Variants in TFIP11 observed in about 807,000 individuals in gnomAD.
TFIP11 encodes the protein tuftelin interacting protein 11, also known as tuftelin-interacting protein 11.
Under a neutral mutation model 96.8 loss-of-function variants are expected in TFIP11, and 86 were observed. The observed-to-expected ratio is 0.89, with a 90% CI of 0.75 to 1.06. The LOEUF is 1.06. Ranked by LOEUF, TFIP11 falls within the 50% of genes least tolerant of loss-of-function variation. The probability of loss-of-function intolerance (pLI) is 0.00; values close to 1 mark genes in which losing one functional copy is unlikely to be tolerated. For missense variants in TFIP11, 881 were observed against 1,076.7 expected, an observed-to-expected ratio of 0.82 and a Z score of 2.54; for synonymous variants, 405 against 395.2, an observed-to-expected ratio of 1.02 and a Z score of -0.29.
chr22:26,497,016 C>A, intron 10 of TFIP11, 127 bp from the exon 11 acceptor site: 1 of 1,151,740 alleles, frequency 8.7e-7, no homozygotes, highest in Middle Eastern at 3.0e-4. Flanking sequence ...TCAGAGGAAA[C>A]CATCAGGCCA....
rs1475333828 is a variant in TFIP11, at chr22:26,492,364, G to A, written c.2163C>T (p.Ala721=). 1.2e-6 allele frequency: 2 copies of A among 1,614,028 alleles called. No homozygotes were observed. Among genetic ancestry groups the A allele is most frequent in the Non-Finnish European group, 8.5e-7 (1 of 1,179,938 alleles). The change falls in exon 15 of 15, where the codon GCC becomes GCT. Residue 721 remains alanine (A), a synonymous_variant. Transcript: ENST00000407690. Reference sequence around the variant, plus strand: ...TCTCCCGTGCTCCTGGCTGCATGTAGGCACCTAAGATACAGGAGGACAGGG... The same window carrying A: ...TCTCCCGTGCTCCTGGCTGCATGTAAGCACCTAAGATACAGGAGGACAGGG... ...MNRAVSSNVG[A]YMQPGARENI...
At chr22:26,494,614 C>A in intron 13 of TFIP11, 183 bp downstream of exon 13, 1 of 904,522 alleles carries the variant, frequency 1.1e-6, no homozygotes, top group Non-Finnish European at 1.6e-6. Context: ...CTTGGAACAG[C>A]TTCTGATACA....
Position 26,503,949 on chromosome 22 carries a change from C to T in TFIP11, c.521-156G>A, listed in dbSNP as rs559494298. Among the ~76,000 whole-genome samples, 21 of 152,306 alleles carry T rather than the reference C, an allele frequency of 1.4e-4. 1 individual carries two copies. The South Asian group carries it at 3.9e-3, about 29-fold the overall frequency. Reference sequence around the variant, plus strand: ...TATTCTCTGCCCTCAGAACACTACTCTTGTCCCTTGTGATTTGAAACTTAT... The same window carrying T: ...TATTCTCTGCCCTCAGAACACTACTTTTGTCCCTTGTGATTTGAAACTTAT... On this transcript the variant is annotated intron_variant, in intron 6 of 14. Transcript: ENST00000407690.
chr22:26,496,849 CAA>C lies in TFIP11; in HGVS notation c.1475_1476del (p.Ile492SerfsTer10), dbSNP rs1569158267. On this transcript the variant is annotated frameshift_variant, in exon 11 of 15. Transcript: ENST00000407690. LOFTEE classifies it high-confidence loss of function. Reference sequence around the variant, plus strand: ...CAGTTCCTTGGCTGCCACTGGGTGACAATATTTCGAACAAAAGGCATCCAGAC... The same window carrying C: ...CAGTTCCTTGGCTGCCACTGGGTGACTATTTCGAACAAAAGGCATCCAGAC... ...WEVWMPFVRN[I>X]VTQWQPRNCD... 1.2e-6 allele frequency: 2 copies of C among 1,614,108 alleles called. No individual in the cohort carries two copies. The highest frequency in any genetic ancestry group is 1.7e-6 in the Non-Finnish European group (2 of 1,180,030).
Position 26,506,862 on chromosome 22 carries a change from C to T in TFIP11, c.276G>A (p.Glu92=). 6.2e-7 allele frequency: 1 copy of T among 1,614,184 alleles called. No individual in the cohort carries two copies. Among genetic ancestry groups the T allele is most frequent in the Non-Finnish European group, 8.5e-7 (1 of 1,180,040 alleles). Reference sequence around the variant, plus strand: ...CGTCATCAGAATCTTCCAACTCTGCCTCCTCCGCTGCCCCTTTCTTGAGCC... The same window carrying T: ...CGTCATCAGAATCTTCCAACTCTGCTTCCTCCGCTGCCCCTTTCTTGAGCC... ...SAGLKKGAAE[E]AELEDSDDEE... is the part of the protein sequence containing the mutation. Residue 92 remains glutamate (E), a synonymous_variant, in exon 5 of 15, where the codon GAG becomes GAA. Coordinates refer to ENST00000407690, the MANE Select transcript of TFIP11 (RefSeq NM_012143.4).
chr22:26,491,444 C>T lies in TFIP11; in HGVS notation c.*569G>A, dbSNP rs752976130. The T allele has an allele frequency of 6.3e-7, 1 of 1,594,676 alleles. No homozygotes were observed. The highest frequency in any genetic ancestry group is 1.1e-5 in the South Asian group (1 of 89,376). On this transcript the variant is annotated 3_prime_UTR_variant, in exon 15 of 15. Coordinates refer to ENST00000407690, the MANE Select transcript of TFIP11 (RefSeq NM_012143.4). Reference sequence around the variant, plus strand: ...ACTGTGACTATCTGAAGTTTTTATACTTGAATTTTTCTGCTCAGATTTTAA... The same window carrying T: ...ACTGTGACTATCTGAAGTTTTTATATTTGAATTTTTCTGCTCAGATTTTAA...
Position 26,491,941 on chromosome 22 carries a change from T to G in TFIP11, c.*72A>C. On this transcript the variant is annotated 3_prime_UTR_variant, in exon 15 of 15. Transcript: ENST00000407690. Reference sequence around the variant, plus strand: ...AGAAGTTACCCTTTTGAAGGTGATCTAAAAATACTGTTTATTTACAGTACA... The same window carrying G: ...AGAAGTTACCCTTTTGAAGGTGATCGAAAAATACTGTTTATTTACAGTACA... The G allele has an allele frequency of 7.1e-7, 1 of 1,414,480 alleles. No homozygotes were observed. Among genetic ancestry groups the G allele is most frequent in the Non-Finnish European group, 9.6e-7 (1 of 1,040,034 alleles). 87.6% of individuals were successfully genotyped at this position (1,414,480 alleles called of 1,614,324 possible). A position where few individuals can be genotyped will look rare whatever the true frequency, so the allele number is the denominator to read the frequency against.
In TFIP11 at chr22:26,503,807, GC is replaced by G; in HGVS notation, c.521-15del. ...GGTTAATGATACCTGAGGAATTTCA[GC>G]AAAAAAAAAAGAGAGTCTTACGATC... is the stretch of plus-strand genomic sequence containing the variant. On this transcript the variant is annotated splice_polypyrimidine_tract_variant and intron_variant, in intron 6 of 14. Coordinates refer to ENST00000407690, the MANE Select transcript of TFIP11 (RefSeq NM_012143.4). 1.3e-6 allele frequency: 2 copies of G among 1,587,278 alleles called. No individual in the cohort carries two copies. Among genetic ancestry groups the G allele is most frequent in the South Asian group, 1.2e-5 (1 of 86,158 alleles).
intron 9 of TFIP11, 42 bp from the exon 10 acceptor site, chr22:26,499,017 A>G (rs1602207899): frequency 1.2e-6 from 2 of 1,611,544 alleles, no homozygotes; most frequent in East Asian, 2.2e-5. Context: ...CGGGCTCTCC[A>G]GCCCTCCCTG....
intron 6 of TFIP11, among the ~76,000 whole-genome samples, chr22:26,504,692 C>G (rs1923200097): frequency 6.6e-6 from 1 of 151,986 alleles, no homozygotes; most frequent in East Asian, 1.9e-4. Context: ...AAAAACTGTC[C>G]CCTCATTCTC....
intron 4 of TFIP11, 144 bp downstream of exon 4, chr22:26,509,920 C>T: frequency 2.7e-6 from 2 of 751,102 alleles, no homozygotes; most frequent in Non-Finnish European, 4.4e-6. Flanking sequence ...AAGAGGAAAC[C>T]AGACCTCTCG....
At position 26,499,508 on chromosome 22, in the gene TFIP11, CTT is replaced by C; in HGVS notation, c.923_924del (p.Lys308ArgfsTer31). ...LQSQQLPQSGKEAKAPGFALP... is the reference protein window; with the variant it reads ...LQSQQLPQSGXEAKAPGFALP... ...AGCGCGAAGCCGGGGGCCTTGGCCT[CTT>C]TGCCAGACTGTGGCAGCTGTTGGGA... On this transcript the variant is annotated frameshift_variant, in exon 9 of 15. Coordinates refer to ENST00000407690, the MANE Select transcript of TFIP11 (RefSeq NM_012143.4). LOFTEE classifies it high-confidence loss of function. 1 of 1,614,224 alleles carries C rather than the reference CTT, an allele frequency of 6.2e-7. No individual in the cohort carries two copies. Among genetic ancestry groups the C allele is most frequent in the South Asian group, 1.1e-5 (1 of 91,088 alleles).
chr22:26,498,158 G>A (rs1324162291), intron 10 of TFIP11, among the ~76,000 whole-genome samples: 2 of 152,308 alleles, frequency 1.3e-5, no homozygotes, highest in Middle Eastern at 3.4e-3. Flanking sequence ...CTTATAAGTG[G>A]AAGCTAAGTT....
At chr22:26,498,419 T>G (rs943605269) in intron 10 of TFIP11, among the ~76,000 whole-genome samples, 1 of 152,038 alleles carries the variant, frequency 6.6e-6, no homozygotes, top group Non-Finnish European at 1.5e-5. Context: ...GGCGTGTGCC[T>G]GTGATCCCAG....
rs892714917 is a variant in TFIP11, at chr22:26,497,616, G to A, written c.1437-727C>T. On this transcript the variant is annotated intron_variant, in intron 10 of 14. Transcript: ENST00000407690. ...GTCATGGCTGGGCACGGAGGCTCAC[G>A]CCTGTAATTCCAGCACTCTGGGAGG... Among the ~76,000 whole-genome samples the A allele has an allele frequency of 2.6e-5, 4 of 152,198 alleles. No individual in the cohort carries two copies. The South Asian group carries it at 6.2e-4, about 24-fold the overall frequency.
At position 26,510,220 on chromosome 22, in the gene TFIP11, T is replaced by C. The variant is rs759824411; in HGVS notation, c.53A>G (p.Asp18Gly). 7 of 1,614,104 alleles carry C rather than the reference T, an allele frequency of 4.3e-6. No individual in the cohort carries two copies. The highest frequency in any genetic ancestry group is 5.9e-6 in the Non-Finnish European group (7 of 1,180,014). The change falls in exon 4 of 15, where the codon GAT (aspartate) becomes GGT (glycine). Residue 18 changes from aspartate (D) to glycine (G), a missense_variant. Coordinates refer to ENST00000407690, the MANE Select transcript of TFIP11 (RefSeq NM_012143.4). ...RDGEGRIDDD[D>G]DERENFEITD... ...GATCTCAAAGTTCTCCCGCTCGTCA[T>C]CATCATCATCAATGCGGCCTTCCCC...
In TFIP11 at chr22:26,501,897, T is replaced by G. The variant is rs774912305; in HGVS notation, c.801+3A>C. The G allele has an allele frequency of 1.2e-6, 2 of 1,611,070 alleles. No individual in the cohort carries two copies. Among genetic ancestry groups the G allele is most frequent in the Non-Finnish European group, 1.7e-6 (2 of 1,178,520 alleles). ...TGTACCAGGTGTCCAAGGGCCCCTG[T>G]ACCTTGACTTGAGAAAGTTCCTTCT... On this transcript the variant is annotated splice_donor_region_variant and intron_variant, in intron 8 of 14. Coordinates refer to ENST00000407690, the MANE Select transcript of TFIP11 (RefSeq NM_012143.4).
intron 4 of TFIP11, among the ~76,000 whole-genome samples, chr22:26,507,409 T>C (rs1476986028): frequency 6.6e-6 from 1 of 152,030 alleles, no homozygotes; most frequent in African/African-American, 2.4e-5. Flanking sequence ...ATTAAATTTA[T>C]TTGAATGTGA....
rs762981297 is a variant in TFIP11 at position 26,491,964 on chromosome 22, A to G, written c.*49T>C. On this transcript the variant is annotated 3_prime_UTR_variant, in exon 15 of 15. Coordinates refer to ENST00000407690, the MANE Select transcript of TFIP11 (RefSeq NM_012143.4). ...TCTAAAAATACTGTTTATTTACAGT[A>G]CATCCCTCTTAGGGGCAAGTCTCTG... 2 of 1,501,244 alleles carry G rather than the reference A, an allele frequency of 1.3e-6. No individual in the cohort carries two copies. The highest frequency in any genetic ancestry group is 1.4e-5 in the African/African-American group (1 of 72,024). The allele number at this position is 1,501,244 out of a possible 1,614,324, so 93.0% of individuals were successfully genotyped here.
Sources: allele counts gnomAD v4.1 joint callset (sites outside exome capture counted in the v4.1 genomes callset), GRCh38; gene constraint gnomAD v4.1.1; transcripts MANE v1.5; gene names NCBI Gene and HGNC (gene_info 2026-07-23, HGNC 2026-07-21).